The following PRKN variants were observed in gnomAD, a reference collection of about 807,000 sequenced individuals.
The protein encoded by PRKN is parkin RBR E3 ubiquitin protein ligase, also known as E3 ubiquitin-protein ligase parkin.
A neutral mutation model predicts 59.5 loss-of-function variants in PRKN; 56 were observed. That is an observed-to-expected ratio of 0.94 (90% CI 0.76 to 1.18). The LOEUF (loss-of-function observed/expected upper bound fraction) is 1.18, where lower values mean the gene tolerates loss of function less well. Ranked by LOEUF, PRKN falls within the 50% of genes most tolerant of loss-of-function variation. PRKN has a pLI of 0.00. For synonymous variants in PRKN, 250 were observed against 222.1 expected (o/e 1.13, Z -1.12); for missense variants, 657 against 596.4 (o/e 1.10, Z -1.06).
chr6:161,810,263 G>C (rs1791505374), intron 6 of PRKN, among the ~76,000 whole-genome samples: 1 of 152,238 alleles, frequency 6.6e-6, no homozygotes, highest in Non-Finnish European at 1.5e-5. Context: ...GCGAGGAAGA[G>C]AGGCCTCAGA....
chr6:161,747,024 G>A (rs1185252658), intron 7 of PRKN, among the ~76,000 whole-genome samples: 7 of 151,926 alleles, frequency 4.6e-5, no homozygotes, highest in African/African-American at 9.7e-5. Flanking sequence ...TTGTAGAAAC[G>A]TTTTCGATTG....
chr6:161,623,882 A>T (rs1562565939), intron 7 of PRKN, among the ~76,000 whole-genome samples: 1 of 152,246 alleles, frequency 6.6e-6, no homozygotes, highest in Non-Finnish European at 1.5e-5. Context: ...AAAAGAAATA[A>T]GAAATATGTA....
In PRKN at chr6:161,461,389, T is replaced by C. The variant is rs1790216201; in HGVS notation, c.1084-74512A>G. On this transcript the variant is annotated intron_variant, in intron 9 of 11. Transcript: ENST00000366898. This position sits in a 1 kb window ranked among gnomAD's most constrained non-coding sequence, Gnocchi z 5.1. ...GTAGATGGTCTTAAGGAGCTGAGGT[T>C]TTTAAGCTCTAGGGAATCACTTTAT... is the stretch of plus-strand genomic sequence containing the variant. Among the ~76,000 whole-genome samples the C allele has an allele frequency of 6.6e-6, 1 of 152,130 alleles. No individual in the cohort carries two copies. The highest frequency in any genetic ancestry group is 1.9e-4 in the East Asian group (1 of 5,176).
rs372038279 is a variant in PRKN, at chr6:162,433,786, T to C, written c.171+9524A>G. ...CACAGACCCAATTCCCTTTGAAATA[T>C]GTAAGCCTATAAAAATGAGCAGAAA... On this transcript the variant is annotated intron_variant, in intron 2 of 11. Transcript: ENST00000366898. Among the ~76,000 whole-genome samples the C allele has an allele frequency of 9.4e-4, 143 of 152,294 alleles. 5 individuals carry two copies. In the South Asian group the frequency reaches 0.016, roughly 17 times the overall value.
chr6:161,846,721 G>A (rs1793212798), intron 6 of PRKN, among the ~76,000 whole-genome samples: 2 of 152,132 alleles, frequency 1.3e-5, no homozygotes, highest in South Asian at 4.1e-4. Context: ...CCAGATTTGG[G>A]TCCCACCTTA....
At chr6:161,412,861 T>C (rs1252894794) in intron 9 of PRKN, among the ~76,000 whole-genome samples, 2 of 151,606 alleles carry the variant, frequency 1.3e-5, no homozygotes, top group African/African-American at 4.8e-5. Flanking sequence ...ACTCATTCTT[T>C]CCTCACTCAT....
rs528232513 is a variant in PRKN, at chr6:162,579,477, CAG to C, written c.8-136006_8-136005del. Among the ~76,000 whole-genome samples, 108 of 151,716 alleles carry C rather than the reference CAG, an allele frequency of 7.1e-4. No individual in the cohort carries two copies. The Middle Eastern group carries it at 0.01, about 14-fold the overall frequency. On this transcript the variant is annotated intron_variant, in intron 1 of 11. Coordinates refer to ENST00000366898, the MANE Select transcript of PRKN (RefSeq NM_004562.3). The stretch of plus-strand genomic sequence containing the variant: ...ACACACCCACTTTCACACACATATC[CAG>C]ACTCACACAGATTTACACACAAAGT...
intron 4 of PRKN, among the ~76,000 whole-genome samples, chr6:162,123,427 A>G (rs1780997969): frequency 6.6e-6 from 1 of 152,246 alleles, no homozygotes; most frequent in African/African-American, 2.4e-5. Flanking sequence ...AGTTATATGA[A>G]TACAGTGTAA....
chr6:162,087,520 A>G (rs1042325799), intron 4 of PRKN, among the ~76,000 whole-genome samples: 5 of 151,420 alleles, frequency 3.3e-5, no homozygotes, highest in African/African-American at 1.2e-4. Flanking sequence ...GTGCTTCCCT[A>G]TGAAAGGAAG....
At chr6:162,127,798 T>C (rs1411981905) in intron 4 of PRKN, among the ~76,000 whole-genome samples, 1 of 152,188 alleles carries the variant, frequency 6.6e-6, no homozygotes, top group Non-Finnish European at 1.5e-5. Context: ...ATGAATCCCA[T>C]AATCCTTGAG....
At chr6:162,274,547 T>C (rs1780533316) in intron 2 of PRKN, among the ~76,000 whole-genome samples, 1 of 152,150 alleles carries the variant, frequency 6.6e-6, no homozygotes, top group Admixed American at 6.5e-5. Flanking sequence ...TTAAAGTGTA[T>C]AATTCAGCAG....
intron 6 of PRKN, among the ~76,000 whole-genome samples, chr6:161,845,928 C>T (rs948435356): frequency 2.1e-4 from 32 of 152,194 alleles, no homozygotes; most frequent in Non-Finnish European, 3.5e-4. Context: ...TAATGGACAC[C>T]GTGTGCCAAC....
intron 1 of PRKN, among the ~76,000 whole-genome samples, chr6:162,479,718 C>A (rs1792198112): frequency 6.6e-6 from 1 of 151,374 alleles, no homozygotes; most frequent in Non-Finnish European, 1.5e-5. Flanking sequence ...TTTTGGACAC[C>A]TGCTGAAGGA....
Position 162,618,554 on chromosome 6 carries a change from G to A in PRKN, c.7+109108C>T, listed in dbSNP as rs967188459. Among the ~76,000 whole-genome samples, 6 of 152,082 alleles carry A rather than the reference G, an allele frequency of 3.9e-5. No individual in the cohort carries two copies. In the South Asian group the frequency reaches 8.3e-4, roughly 21 times the overall value. ...GTTCAGGAAAGTAAAGGTTTTCTTC[G>A]TGAGTACGCTCTGAATCTAAATAAG... On this transcript the variant is annotated intron_variant, in intron 1 of 11. Transcript: ENST00000366898.
intron 4 of PRKN, among the ~76,000 whole-genome samples, chr6:162,172,062 C>A (rs991818259): frequency 1.3e-5 from 2 of 152,130 alleles, no homozygotes; most frequent in Admixed American, 6.5e-5. Flanking sequence ...TGTTTTATAG[C>A]TGAGGATATT....
chr6:161,597,901 A>T (rs1481751887), intron 7 of PRKN, among the ~76,000 whole-genome samples: 1 of 152,110 alleles, frequency 6.6e-6, no homozygotes, highest in Admixed American at 6.5e-5. Flanking sequence ...ACACACAGTT[A>T]GGGTAGTTCA....
chr6:162,422,778 C>G (rs140432232), intron 2 of PRKN, among the ~76,000 whole-genome samples: 11,291 of 151,918 alleles, frequency 0.074, 550 homozygotes, highest in Middle Eastern at 0.11. Flanking sequence ...AACCCTGTCT[C>G]TACTAAAATA....
chr6:162,217,919 G>C (rs1341009373), intron 3 of PRKN, among the ~76,000 whole-genome samples: 1 of 152,148 alleles, frequency 6.6e-6, no homozygotes, highest in Non-Finnish European at 1.5e-5. Flanking sequence ...CGACTTCTAA[G>C]TAGGAGGTGA....
In PRKN at chr6:162,719,543, G is replaced by GAA. The variant is rs36120953; in HGVS notation, c.7+8117_7+8118dup. On this transcript the variant is annotated intron_variant, in intron 1 of 11. Coordinates refer to ENST00000366898, the MANE Select transcript of PRKN (RefSeq NM_004562.3). The stretch of plus-strand genomic sequence containing the variant: ...ATCATTCCTCAATTTTGTTTCAATG[G>GAA]AAAAAAAAAATTGTAATCAGGACTG... Among the ~76,000 whole-genome samples, 173 of 151,080 alleles carry GAA rather than the reference G, an allele frequency of 1.1e-3. 2 individuals carry two copies. In the East Asian group the frequency reaches 0.02, roughly 18 times the overall value.
Sources: allele counts gnomAD v4.1 joint callset (sites outside exome capture counted in the v4.1 genomes callset), GRCh38; gene constraint gnomAD v4.1.1; non-coding constraint Gnocchi (gnomAD v3.1); transcripts MANE v1.5; gene names NCBI Gene and HGNC (gene_info 2026-07-23, HGNC 2026-07-21).